The following ANO4 variants were observed in gnomAD, a reference collection of about 807,000 sequenced individuals.
ANO4 encodes the protein anoctamin 4.
In ANO4, 69 loss-of-function variants were observed where a neutral mutation model predicts 141.9. That is an observed-to-expected ratio of 0.49 (90% CI 0.40 to 0.59). The LOEUF (loss-of-function observed/expected upper bound fraction) is 0.59, where lower values mean the gene tolerates loss of function less well. ANO4 is among the 20% of genes least tolerant of loss of function. ANO4 has a pLI of 0.00. For missense variants in ANO4, 894 were observed against 1,162.2 expected, an observed-to-expected ratio of 0.77 and a Z score of 3.36; for synonymous variants, 350 against 394.3, an observed-to-expected ratio of 0.89 and a Z score of 1.33.
chr12:100,923,277 C>A (rs552845380), intron 3 of ANO4, among the ~76,000 whole-genome samples: 29 of 150,386 alleles, frequency 1.9e-4, no homozygotes. Context: ...CTAATGCTAT[C>A]CCTCCCCCAG....
intron 13 of ANO4, among the ~76,000 whole-genome samples, chr12:101,046,899 C>A (rs1291563514): frequency 3.3e-5 from 5 of 152,154 alleles, no homozygotes; most frequent in Non-Finnish European, 5.9e-5. Context: ...TAACTGCAGT[C>A]CATTCCAGAA....
intron 1 of ANO4, among the ~76,000 whole-genome samples, chr12:100,725,624 G>T (rs1397656886): frequency 1.3e-5 from 2 of 152,148 alleles, no homozygotes; most frequent in East Asian, 3.9e-4. Flanking sequence ...GGGATTATAG[G>T]CATGAGCCAC....
rs138208036 is a variant in ANO4, at chr12:101,088,099, C to A, written c.1701+1275C>A. ...TGCGAGGCCACATCTACACAGTGGCCTCACGGGCTTTCGCTCATCTGGTCT... is the reference window on the plus strand; with the variant it reads ...TGCGAGGCCACATCTACACAGTGGCATCACGGGCTTTCGCTCATCTGGTCT... On this transcript the variant is annotated intron_variant, in intron 17 of 27. Transcript: ENST00000392977. 7.7e-3 allele frequency among the ~76,000 whole-genome samples: 1,168 copies of A among 152,174 alleles called. 17 individuals carry two copies. The highest frequency in any genetic ancestry group is 9.7e-3 in the Non-Finnish European group (662 of 67,998).
At chr12:100,872,209 A>G (rs1486594891) in intron 1 of ANO4, among the ~76,000 whole-genome samples, 1 of 152,232 alleles carries the variant, frequency 6.6e-6, no homozygotes, top group East Asian at 1.9e-4. Flanking sequence ...GAATCCAAGA[A>G]GACTAAGACT....
chr12:101,033,110 A>G (rs868782163), intron 9 of ANO4, among the ~76,000 whole-genome samples: 1 of 152,246 alleles, frequency 6.6e-6, no homozygotes, highest in Non-Finnish European at 1.5e-5. Context: ...AATGTGGCAC[A>G]TATACACCAT....
intron 1 of ANO4, among the ~76,000 whole-genome samples, chr12:100,822,199 C>T (rs2036091976): frequency 6.6e-6 from 1 of 151,834 alleles, no homozygotes; most frequent in South Asian, 2.1e-4. Flanking sequence ...ATAAAGTGAC[C>T]CTTTGTTATC....
intron 3 of ANO4, among the ~76,000 whole-genome samples, chr12:100,788,261 C>G (rs367820051): frequency 7.2e-5 from 11 of 152,270 alleles, no homozygotes; most frequent in East Asian, 3.9e-4. Flanking sequence ...CCAGGATAGA[C>G]TTGGACCAGA....
chr12:101,012,154 A>G (rs965152985), intron 8 of ANO4, among the ~76,000 whole-genome samples: 2 of 152,108 alleles, frequency 1.3e-5, no homozygotes, highest in East Asian at 3.9e-4. Flanking sequence ...GTGGTTCTCT[A>G]TGGGAATCAC....
chr12:100,913,987 C>T lies in ANO4; in HGVS notation c.56-8239C>T, dbSNP rs116736928. 3.2e-3 allele frequency among the ~76,000 whole-genome samples: 494 copies of T among 152,298 alleles called. 6 individuals are homozygous for T. Among genetic ancestry groups the T allele is most frequent in the African/African-American group, 0.012 (482 of 41,546 alleles). ...TTGCACAGTTTCTGTTCTGTAACGC[C>T]TCCTAATCCTGAGTTTGTCTCTTCT... is the stretch of plus-strand genomic sequence containing the variant. On this transcript the variant is annotated intron_variant, in intron 2 of 27. Coordinates refer to ENST00000392977, the MANE Select transcript of ANO4 (RefSeq NM_001286615.2).
At chr12:100,976,826 T>C (rs2044214600) in intron 7 of ANO4, among the ~76,000 whole-genome samples, 2 of 152,344 alleles carry the variant, frequency 1.3e-5, no homozygotes, top group Non-Finnish European at 1.5e-5. Context: ...CTCCCAACTT[T>C]GAGGGCTAAG....
At chr12:101,043,658 T>C in intron 13 of ANO4, 23 bp downstream of exon 13, 1 of 1,550,054 alleles carries the variant, frequency 6.5e-7, no homozygotes, top group South Asian at 1.1e-5. Flanking sequence ...TGTAGCATTT[T>C]AGATGAATTG....
chr12:100,949,687 T>C (rs1375424833), intron 5 of ANO4, among the ~76,000 whole-genome samples: 1 of 152,218 alleles, frequency 6.6e-6, no homozygotes, highest in Non-Finnish European at 1.5e-5. Context: ...GTGGGTCATA[T>C]ATTGTTACTG....
intron 1 of ANO4, among the ~76,000 whole-genome samples, chr12:100,812,144 C>G (rs1335740843): frequency 6.6e-6 from 1 of 152,182 alleles, no homozygotes; most frequent in African/African-American, 2.4e-5. Flanking sequence ...TAACACTTAG[C>G]TCAGCATCTG....
intron 3 of ANO4, among the ~76,000 whole-genome samples, chr12:100,765,379 C>CTTTTTTTTTTTTTTTTTTTTTT (rs71091461): frequency 2.4e-5 from 3 of 125,374 alleles, no homozygotes; most frequent in Non-Finnish European, 3.2e-5. Flanking sequence ...TTCTTTCTTT[C>CTTTTTTTTTTTTTTTTTTTTTT]TTTTTTTTTT....
intron 3 of ANO4, among the ~76,000 whole-genome samples, chr12:100,765,461 C>T (rs2033036361): frequency 6.7e-6 from 1 of 150,096 alleles, no homozygotes; most frequent in African/African-American, 2.5e-5. Flanking sequence ...CTCATGCAGC[C>T]TCAGCCTTCC....
chr12:101,048,255 C>A, intron 13 of ANO4, 86 bp from the exon 14 acceptor site: 1 of 1,413,252 alleles, frequency 7.1e-7, no homozygotes, highest in Non-Finnish European at 9.9e-7. Context: ...TATATAATCA[C>A]AGCTATTTTT....
At chr12:100,809,176 C>T (rs575878979) in intron 1 of ANO4, among the ~76,000 whole-genome samples, 124 of 152,124 alleles carry the variant, frequency 8.2e-4, no homozygotes, top group African/African-American at 2.9e-3. Flanking sequence ...CACTTGAGAC[C>T]AGGAGTTCCA....
chr12:100,815,041 C>A (rs2035654825), intron 1 of ANO4, among the ~76,000 whole-genome samples: 1 of 151,664 alleles, frequency 6.6e-6, no homozygotes, highest in Admixed American at 6.6e-5. Context: ...AAGAGGGATG[C>A]CTGGAGGGAA....
intron 2 of ANO4, 86 bp downstream of exon 2, chr12:100,901,926 C>G: frequency 7.8e-7 from 1 of 1,282,668 alleles, no homozygotes; most frequent in South Asian, 1.5e-5. Flanking sequence ...GTAAATATGC[C>G]ATACTTTCAG....
Sources: gnomAD v4.1 joint callset for allele counts (sites outside exome capture counted in the v4.1 genomes callset) on GRCh38, gnomAD v4.1.1 for gene constraint, MANE v1.5 for transcripts, NCBI Gene and HGNC (gene_info 2026-07-23, HGNC 2026-07-21) for gene names.